STKLD1: variants seen among roughly 807,000 people sequenced by gnomAD.
STKLD1 encodes serine/threonine kinase like domain containing 1, also known as serine/threonine kinase-like domain-containing protein STKLD1.
A neutral mutation model predicts 80.4 loss-of-function variants in STKLD1; 79 were observed. That is an observed-to-expected ratio of 0.98 (90% confidence interval 0.82 to 1.19). STKLD1 has a LOEUF of 1.19. Among genes scored for constraint, STKLD1 ranks in the 50% most tolerant of loss-of-function variants. The pLI is 0.00. For missense variants in STKLD1, 841 were observed against 856.0 expected, an observed-to-expected ratio of 0.98 and a Z score of 0.22; for synonymous variants, 393 against 357.6, an observed-to-expected ratio of 1.10 and a Z score of -1.12.
chr9:133,378,374 C>T (rs1355345644), intron 1 of STKLD1, among the ~76,000 whole-genome samples: 1 of 152,214 alleles, frequency 6.6e-6, no homozygotes, highest in Non-Finnish European at 1.5e-5. Context: ...GCCCCCTGCC[C>T]CATAGCACTT....
intron 11 of STKLD1, 62 bp downstream of exon 11, chr9:133,398,117 C>T: frequency 1.3e-6 from 2 of 1,526,912 alleles, no homozygotes; most frequent in Non-Finnish European, 9.0e-7. Context: ...TATGGTCCGG[C>T]CTGTGGGGAG....
rs2130284337 is a variant in STKLD1 at position 133,389,551 on chromosome 9, T to C, written c.422T>C (p.Val141Ala). Residue 141 changes from valine (V) to alanine (A), a missense_variant, in exon 6 of 18, where the codon GTG becomes GCG. By Grantham distance (64) the Val-to-Ala change is moderately conservative. Coordinates refer to ENST00000371957, the MANE Select transcript of STKLD1 (RefSeq NM_153710.5). The surrounding 1 kb of genome is among the most constrained non-coding windows in gnomAD (Gnocchi z 6.4). ...SEWMQNVLGQ[V>A]LDALEYLHHL... is the part of the protein sequence containing the mutation. ...TGGATGCAGAATGTGCTGGGCCAGG[T>C]GCTGGACGCGCTGGAATACCTGCAC... The C allele has an allele frequency of 6.2e-7, 1 of 1,613,390 alleles. No homozygotes were observed. The highest frequency in any genetic ancestry group is 8.5e-7 in the Non-Finnish European group (1 of 1,179,924).
intron 4 of STKLD1, among the ~76,000 whole-genome samples, chr9:133,386,283 G>A (rs944869237): frequency 6.6e-6 from 1 of 152,246 alleles, no homozygotes; most frequent in Admixed American, 6.5e-5. Context: ...AGTTGCTCCA[G>A]GTTACCCAGC....
At chr9:133,380,370 A>G (rs1032575286) in intron 2 of STKLD1, among the ~76,000 whole-genome samples, 12 of 151,296 alleles carry the variant, frequency 7.9e-5, no homozygotes, top group Non-Finnish European at 1.8e-4. Context: ...AATGTCAGCC[A>G]TGACTAGGCA....
At chr9:133,401,984 C>T in intron 13 of STKLD1, 106 bp downstream of exon 13, 1 of 1,370,582 alleles carries the variant, frequency 7.3e-7, no homozygotes, top group Non-Finnish European at 9.8e-7. Flanking sequence ...CAGGACAGTG[C>T]TGGGCCTCCT....
rs2130287643 is a variant in STKLD1, at chr9:133,390,836, C to T, written c.583+40C>T. ...CCCAGGTTGTGGGAGAGGGGGTTGG[C>T]GCCTAGAATCCAGGCGGCGTTGGCC... On this transcript the variant is annotated intron_variant, in intron 7 of 17. Transcript: ENST00000371957. The surrounding 1 kb of genome is among the most constrained non-coding windows in gnomAD (Gnocchi z 5.1). 2.4e-5 allele frequency: 37 copies of T among 1,545,196 alleles called. No homozygotes were observed. Among genetic ancestry groups the T allele is most frequent in the Middle Eastern group, 1.7e-4 (1 of 5,956 alleles).
At chr9:133,404,146 A>G in intron 16 of STKLD1, 98 bp downstream of exon 16, 1 of 1,405,634 alleles carries the variant, frequency 7.1e-7, no homozygotes, top group Non-Finnish European at 9.5e-7. Context: ...CAAAAAACAG[A>G]AGCAACAAAT....
chr9:133,405,384 C>G lies in STKLD1; in HGVS notation c.2006C>G (p.Pro669Arg). Residue 669 changes from proline to arginine, a missense_variant, in exon 18 of 18, where the codon CCC (proline) becomes CGC (arginine). By Grantham distance (103) the Pro-to-Arg change is moderately radical (BLOSUM62 -2). Coordinates refer to ENST00000371957, the MANE Select transcript of STKLD1 (RefSeq NM_153710.5). ...SKPGLPPGGS[P>R]QLGCTTSGGL... ...CCAGGCCTCCCTCCAGGTGGAAGCC[C>G]CCAGCTGGGGTGCACCACGTCTGGG... The G allele has an allele frequency of 1.2e-6, 2 of 1,611,704 alleles. No homozygotes were observed. The highest frequency in any genetic ancestry group is 1.7e-6 in the Non-Finnish European group (2 of 1,179,886).
intron 17 of STKLD1, 86 bp downstream of exon 17, chr9:133,405,015 C>A: frequency 6.5e-7 from 1 of 1,542,906 alleles, no homozygotes; most frequent in Non-Finnish European, 8.8e-7. Flanking sequence ...GGAAGGAGCA[C>A]ATGGAAGGTG....
intron 7 of STKLD1, among the ~76,000 whole-genome samples, chr9:133,391,017 C>G (rs1164655834): frequency 1.3e-5 from 2 of 152,198 alleles, no homozygotes; most frequent in Non-Finnish European, 2.9e-5. Flanking sequence ...CACAGACACC[C>G]AACATTTGAG....
At position 133,404,833 on chromosome 9, in the gene STKLD1, G is replaced by A. The variant is rs1838806129; in HGVS notation, c.1777G>A (p.Gly593Ser). Residue 593 changes from glycine (G) to serine (S), a missense_variant, in exon 17 of 18, where the codon GGC (glycine) becomes AGC (serine). Coordinates refer to ENST00000371957, the MANE Select transcript of STKLD1 (RefSeq NM_153710.5). ...GGTGGTGCAGGAGGAGGGCGGCAGT[G>A]GCCTCAGCCTCATCAAGGAGACCTA... ...KVVVQEEGGS[G>S]LSLIKETYQL... 1.9e-6 allele frequency: 3 copies of A among 1,613,268 alleles called. No individual in the cohort carries two copies. The highest frequency in any genetic ancestry group is 2.5e-6 in the Non-Finnish European group (3 of 1,179,816).
At chr9:133,398,885 C>A (rs993160468) in intron 11 of STKLD1, among the ~76,000 whole-genome samples, 2 of 152,160 alleles carry the variant, frequency 1.3e-5, no homozygotes, top group African/African-American at 4.8e-5. Flanking sequence ...CAGGGTCTCG[C>A]TCTGTCCCCC....
intron 7 of STKLD1, among the ~76,000 whole-genome samples, chr9:133,391,185 G>A (rs1050124726): frequency 6.6e-6 from 1 of 151,068 alleles, no homozygotes; most frequent in African/African-American, 2.4e-5. Flanking sequence ...CGGGAGGGAG[G>A]TGGGGGGCTC....
chr9:133,403,951 G>A lies in STKLD1; in HGVS notation c.1635G>A (p.Val545=), dbSNP rs782549467. ...TCAAGGAGCAGCAGTTTGAACAAGT[G>A]GTGGCGCTGCTCCTGCAAAGCATCC... is the stretch of plus-strand genomic sequence containing the variant. ...GCIKEQQFEQ[V]VALLLQSIRL... is the part of the protein sequence containing the mutation. The change falls in exon 16 of 18, where the codon GTG becomes GTA. Residue 545 remains valine, a synonymous_variant. Coordinates refer to ENST00000371957, the MANE Select transcript of STKLD1 (RefSeq NM_153710.5). 5.0e-6 allele frequency: 8 copies of A among 1,609,992 alleles called. No homozygotes were observed. The highest frequency in any genetic ancestry group is 6.8e-6 in the Non-Finnish European group (8 of 1,178,010).
Position 133,394,175 on chromosome 9 carries a change from C to A in STKLD1, c.584-116C>A. ...AAGAGGACCTGCAGGGCTTGTGTTTCAAGCTGCTTGCGGGGGGCCACCAAA... is the reference window on the plus strand; with the variant it reads ...AAGAGGACCTGCAGGGCTTGTGTTTAAAGCTGCTTGCGGGGGGCCACCAAA... On this transcript the variant is annotated intron_variant, in intron 7 of 17. Transcript: ENST00000371957. The surrounding 1 kb of genome is among the most constrained non-coding windows in gnomAD (Gnocchi z 4.9). 1.4e-6 allele frequency: 1 copy of A among 727,338 alleles called. No homozygotes were observed. Among genetic ancestry groups the A allele is most frequent in the South Asian group, 1.6e-5 (1 of 63,864 alleles). 45.1% of individuals were successfully genotyped at this position (727,338 alleles called of 1,614,324 possible).
In STKLD1 at chr9:133,397,413, C is replaced by T. The variant is rs55982317; in HGVS notation, c.997+119C>T. ...TGCCCCTGGCCTTGCTCCACATGCA[C>T]GACCAGTGGGTAGGAACAGTTTCCC... On this transcript the variant is annotated intron_variant, in intron 10 of 17. Transcript: ENST00000371957. The T allele has an allele frequency of 3.1e-3, 4,081 of 1,328,144 alleles. 30 individuals carry two copies. The highest frequency in any genetic ancestry group is 0.022 in the South Asian group (1,581 of 73,220). 82.3% of individuals were successfully genotyped at this position (1,328,144 alleles called of 1,614,324 possible).
chr9:133,380,648 G>A (rs952527224), intron 2 of STKLD1, among the ~76,000 whole-genome samples: 1 of 151,912 alleles, frequency 6.6e-6, no homozygotes, highest in African/African-American at 2.4e-5. Context: ...GCGAGACTCT[G>A]TCTAAATTAA....
chr9:133,377,738 A>G (rs1838027561), intron 1 of STKLD1, among the ~76,000 whole-genome samples: 1 of 152,060 alleles, frequency 6.6e-6, no homozygotes. Context: ...CAATTTTTCC[A>G]CAGATGGAGG....
At chr9:133,391,141 GGGGTC>G (rs1838381768) in intron 7 of STKLD1, among the ~76,000 whole-genome samples, 2 of 148,630 alleles carry the variant, frequency 1.3e-5, no homozygotes, top group African/African-American at 2.5e-5. Context: ...GGAGGTGGGG[GGGGTC>G]AGCCCCCCGC....
Sources: gnomAD v4.1 joint callset for allele counts (sites outside exome capture counted in the v4.1 genomes callset) on GRCh38, gnomAD v4.1.1 for gene constraint, Gnocchi (gnomAD v3.1) non-coding constraint, MANE v1.5 for transcripts, NCBI Gene and HGNC (gene_info 2026-07-23, HGNC 2026-07-21) for gene names.